The following KLHL4 variants were observed in gnomAD, a reference collection of about 807,000 sequenced individuals.
KLHL4 encodes kelch-like protein 4.
In KLHL4, 17 loss-of-function variants were observed where a neutral mutation model predicts 45.8. That is an observed-to-expected ratio of 0.37 (90% CI 0.25 to 0.56). KLHL4 has a LOEUF of 0.56. Among genes scored for constraint, KLHL4 ranks in the 20% least tolerant of loss-of-function variants. The probability of loss-of-function intolerance (pLI) is 0.79; values close to 1 mark genes in which losing one functional copy is unlikely to be tolerated. For synonymous variants in KLHL4, 224 were observed against 189.9 expected, an observed-to-expected ratio of 1.18 and a Z score of -1.47; for missense variants, 544 against 544.9, an observed-to-expected ratio of 1.00 and a Z score of 0.02.
At chrX:87,553,080 C>T in intron 1 of KLHL4, among the ~76,000 whole-genome samples, 1 of 110,355 alleles carries the variant, frequency 9.1e-6, no homozygotes, top group Non-Finnish European at 1.9e-5. Context: ...TAAATATGTG[C>T]ACCTACTGTG....
intron 9 of KLHL4, among the ~76,000 whole-genome samples, chrX:87,663,722 T>G (rs1209185128): frequency 4.4e-5 from 5 of 112,416 alleles, no homozygotes; most frequent in African/African-American, 1.6e-4. Context: ...ACATCTGAAT[T>G]TAAAGTGATA....
chrX:87,603,457 T>G (rs924004273), intron 1 of KLHL4, among the ~76,000 whole-genome samples: 1 of 111,279 alleles, frequency 9.0e-6, no homozygotes, highest in Non-Finnish European at 1.9e-5. Context: ...AGTGGTGCCA[T>G]GTAATACTAT....
intron 9 of KLHL4, among the ~76,000 whole-genome samples, chrX:87,650,801 C>T (rs1923787993): frequency 8.9e-6 from 1 of 111,852 alleles, no homozygotes; most frequent in Admixed American, 9.5e-5. Context: ...GTTTAATGGA[C>T]TCACAGTTCC....
At chrX:87,518,527 G>C (rs943715409) in intron 1 of KLHL4, among the ~76,000 whole-genome samples, 2 of 111,176 alleles carry the variant, frequency 1.8e-5, no homozygotes, top group Admixed American at 9.6e-5. Context: ...TTGGGGGGTG[G>C]GTTATGAGTT....
At chrX:87,530,516 C>T (rs1407661817) in intron 1 of KLHL4, among the ~76,000 whole-genome samples, 1 of 96,278 alleles carries the variant, frequency 1.0e-5, no homozygotes, top group Non-Finnish European at 2.0e-5. Flanking sequence ...TGAGAATATG[C>T]GGTGTTTGGT....
At chrX:87,566,301 C>A (rs781589090) in intron 1 of KLHL4, among the ~76,000 whole-genome samples, 1 of 110,525 alleles carries the variant, frequency 9.0e-6, no homozygotes, top group African/African-American at 3.3e-5. Context: ...AATCATCCCT[C>A]ATGAAAATAG....
At chrX:87,662,032 CTAAG>C (rs1455599843) in intron 9 of KLHL4, among the ~76,000 whole-genome samples, 9 of 111,543 alleles carry the variant, frequency 8.1e-5, no homozygotes, top group East Asian at 2.8e-4. Flanking sequence ...ATAGGAGTGA[CTAAG>C]TGAGTATGGT....
chrX:87,532,832 A>G (rs2147767786), intron 1 of KLHL4, among the ~76,000 whole-genome samples: 1 of 111,469 alleles, frequency 9.0e-6, no homozygotes, highest in Non-Finnish European at 1.9e-5. Flanking sequence ...TCCAGAATCT[A>G]CAATGAACTC....
chrX:87,568,391 C>CTTTTTTTTTT (rs58586775), intron 1 of KLHL4, among the ~76,000 whole-genome samples: 6 of 57,495 alleles, frequency 1.0e-4, no homozygotes, highest in Admixed American at 2.9e-4. Context: ...TTCTTTTTTT[C>CTTTTTTTTTT]TTTTTTTTTT....
chrX:87,525,018 G>A (rs1323946194), intron 1 of KLHL4, among the ~76,000 whole-genome samples: 2 of 111,474 alleles, frequency 1.8e-5, no homozygotes, highest in Non-Finnish European at 3.8e-5. Flanking sequence ...AAAATCAATG[G>A]GCTGTTACTG....
chrX:87,559,647 G>A (rs778953274), intron 1 of KLHL4, among the ~76,000 whole-genome samples: 19 of 111,334 alleles, frequency 1.7e-4, no homozygotes, highest in South Asian at 3.7e-4. Context: ...AAAATTCCCC[G>A]AAACAACTAC....
At chrX:87,658,155 G>T (rs1297025428) in intron 9 of KLHL4, among the ~76,000 whole-genome samples, 1 of 111,768 alleles carries the variant, frequency 8.9e-6, no homozygotes, top group Non-Finnish European at 1.9e-5. Flanking sequence ...GACTTTCCTG[G>T]CTGGGACAAT....
chrX:87,530,976 G>A (rs1467650236), intron 1 of KLHL4, among the ~76,000 whole-genome samples: 1 of 111,581 alleles, frequency 9.0e-6, no homozygotes, highest in Non-Finnish European at 1.9e-5. Flanking sequence ...ACTGGTGTGA[G>A]ATGGTATCTC....
At chrX:87,551,799 G>T (rs775727342) in intron 1 of KLHL4, among the ~76,000 whole-genome samples, 40 of 111,462 alleles carry the variant, frequency 3.6e-4, no homozygotes, top group Admixed American at 1.1e-3. Flanking sequence ...ACATAAAGTG[G>T]GGAAGGGACA....
chrX:87,625,083 T>A (rs1197232782), intron 5 of KLHL4, among the ~76,000 whole-genome samples: 1 of 112,861 alleles, frequency 8.9e-6, no homozygotes, highest in Non-Finnish European at 1.9e-5. Flanking sequence ...TTAACTGCTT[T>A]CAGCAATACT....
chrX:87,585,702 A>G (rs1052019245), intron 1 of KLHL4, among the ~76,000 whole-genome samples: 3 of 111,497 alleles, frequency 2.7e-5, no homozygotes, highest in Non-Finnish European at 3.8e-5. Flanking sequence ...GAAAGGAAAT[A>G]AGGAAGAGAT....
At chrX:87,546,380 G>A (rs966150288) in intron 1 of KLHL4, among the ~76,000 whole-genome samples, 2 of 112,030 alleles carry the variant, frequency 1.8e-5, no homozygotes, top group Non-Finnish European at 3.8e-5. Context: ...TGGCTTTTCC[G>A]TGGTGTTAGA....
chrX:87,629,891 G>T (rs752480345), intron 6 of KLHL4, among the ~76,000 whole-genome samples: 1 of 111,821 alleles, frequency 8.9e-6, no homozygotes, highest in Non-Finnish European at 1.9e-5. Context: ...ATTTTGATAG[G>T]TGTTATAATT....
chrX:87,608,355 C>G (rs974382480), intron 1 of KLHL4, among the ~76,000 whole-genome samples: 1 of 111,655 alleles, frequency 9.0e-6, no homozygotes, highest in African/African-American at 3.3e-5. Context: ...GCTGCATGAC[C>G]TGGTGTATCA....
Sources: allele counts gnomAD v4.1 joint callset (sites outside exome capture counted in the v4.1 genomes callset), GRCh38; gene constraint gnomAD v4.1.1; transcripts MANE v1.5; gene names NCBI Gene and HGNC (gene_info 2026-07-23, HGNC 2026-07-21).